Variants in PACRG observed in about 807,000 individuals in gnomAD.
The protein encoded by PACRG is parkin coregulated gene protein.
In PACRG, 29 loss-of-function variants were observed where a neutral mutation model predicts 29.7. The observed-to-expected ratio is 0.98, with a 90% CI of 0.73 to 1.33. The LOEUF (loss-of-function observed/expected upper bound fraction) is 1.33, where lower values mean the gene tolerates loss of function less well. Ranked by LOEUF, PACRG falls within the 40% of genes most tolerant of loss-of-function variation. The pLI is 0.00. For missense variants in PACRG, 279 were observed against 316.2 expected (o/e 0.88, Z 0.89); for synonymous variants, 116 against 118.7 (o/e 0.98, Z 0.15).
intron 4 of PACRG, among the ~76,000 whole-genome samples, chr6:163,153,665 A>G (rs772252477): frequency 2.0e-5 from 3 of 152,244 alleles, no homozygotes; most frequent in Admixed American, 6.5e-5. Context: ...ATGGAAGTCA[A>G]TAAAGATCAA....
chr6:162,867,606 T>C (rs143115298), intron 2 of PACRG, among the ~76,000 whole-genome samples: 1 of 152,320 alleles, frequency 6.6e-6, no homozygotes, highest in East Asian at 1.9e-4. Flanking sequence ...AAATGTGCAT[T>C]GAGATATTTT....
intron 1 of PACRG, among the ~76,000 whole-genome samples, chr6:162,760,725 C>T (rs1397911380): frequency 6.6e-6 from 1 of 151,974 alleles, no homozygotes; most frequent in African/African-American, 2.4e-5. Flanking sequence ...CTTGGGAAGG[C>T]CTTTGGCTTT....
intron 2 of PACRG, among the ~76,000 whole-genome samples, chr6:162,933,444 T>A (rs1797998772): frequency 6.6e-6 from 1 of 152,110 alleles, no homozygotes. Context: ...GGTATTGAAG[T>A]CCCCAGCTTT....
intron 4 of PACRG, among the ~76,000 whole-genome samples, chr6:163,228,966 T>C (rs1312719104): frequency 1.1e-4 from 17 of 152,222 alleles, no homozygotes; most frequent in Non-Finnish European, 2.1e-4. Flanking sequence ...GGAAGGGAAG[T>C]CTAATTCTGA....
At chr6:162,960,217 A>G (rs566324942) in intron 2 of PACRG, among the ~76,000 whole-genome samples, 18 of 152,258 alleles carry the variant, frequency 1.2e-4, no homozygotes, top group Non-Finnish European at 2.5e-4. Flanking sequence ...AAAGAACTTA[A>G]AACAGAGCTA....
Position 163,067,542 on chromosome 6 carries a change from A to G in PACRG, c.463+5221A>G, listed in dbSNP as rs116839070. On this transcript the variant is annotated intron_variant, in intron 3 of 4. Transcript: ENST00000366888. ...ATGAGGTACAAGTGAAAGAAAAAAC[A>G]CTTTCAGTAAGGCAATCTTTTTTTA... is the stretch of plus-strand genomic sequence containing the variant. 7.5e-3 allele frequency among the ~76,000 whole-genome samples: 1,142 copies of G among 152,352 alleles called. 19 individuals carry two copies. The highest frequency in any genetic ancestry group is 0.026 in the African/African-American group (1,079 of 41,588).
At chr6:163,249,802 A>C (rs548502783) in intron 4 of PACRG, among the ~76,000 whole-genome samples, 1 of 152,330 alleles carries the variant, frequency 6.6e-6, no homozygotes, top group East Asian at 1.9e-4. Context: ...TTCTCAGTGC[A>C]AACTGAAGTT....
At chr6:163,130,667 T>G (rs1816697516) in intron 4 of PACRG, among the ~76,000 whole-genome samples, 1 of 152,144 alleles carries the variant, frequency 6.6e-6, no homozygotes, top group Admixed American at 6.5e-5. Context: ...TAGCATCATC[T>G]CCCACTACTG....
At chr6:162,827,714 A>G (rs1788405862) in intron 2 of PACRG, among the ~76,000 whole-genome samples, 1 of 152,142 alleles carries the variant, frequency 6.6e-6, no homozygotes, top group South Asian at 2.1e-4. Flanking sequence ...ATTACCAACC[A>G]TGCTGCCTCC....
At chr6:163,292,031 C>T (rs996075322) in intron 4 of PACRG, among the ~76,000 whole-genome samples, 1 of 152,124 alleles carries the variant, frequency 6.6e-6, no homozygotes, top group African/African-American at 2.4e-5. Context: ...GCAACACGAG[C>T]TGAGCTAACG....
At chr6:162,837,629 A>G (rs1326003053) in intron 2 of PACRG, among the ~76,000 whole-genome samples, 3 of 152,222 alleles carry the variant, frequency 2.0e-5, no homozygotes, top group Non-Finnish European at 4.4e-5. Context: ...AAATCAAATG[A>G]CATTTTCCAA....
At chr6:162,815,874 T>A (rs552779892) in intron 2 of PACRG, among the ~76,000 whole-genome samples, 1 of 152,246 alleles carries the variant, frequency 6.6e-6, no homozygotes, top group South Asian at 2.1e-4. Flanking sequence ...AAATAATATG[T>A]CATAATTCTT....
chr6:163,277,634 C>A (rs13192253), intron 4 of PACRG, among the ~76,000 whole-genome samples: 36,274 of 145,554 alleles, frequency 0.25, 4,583 homozygotes, highest in Admixed American at 0.33. Context: ...TATATACATA[C>A]GTGTATATAT....
intron 2 of PACRG, among the ~76,000 whole-genome samples, chr6:162,908,587 ATTCC>A: frequency 6.6e-6 from 1 of 152,218 alleles, no homozygotes; most frequent in Non-Finnish European, 1.5e-5. Context: ...ATTCCGAGAC[ATTCC>A]ATGTCTCTGC....
At chr6:162,765,137 A>T (rs2128295808) in intron 1 of PACRG, among the ~76,000 whole-genome samples, 1 of 152,060 alleles carries the variant, frequency 6.6e-6, no homozygotes, top group African/African-American at 2.4e-5. Context: ...TCTATTCATA[A>T]ATCTATTATC....
At chr6:162,938,896 A>G (rs901428006) in intron 2 of PACRG, among the ~76,000 whole-genome samples, 5 of 152,014 alleles carry the variant, frequency 3.3e-5, no homozygotes, top group African/African-American at 4.8e-5. Context: ...TAGATTCTGT[A>G]TATTAGTCTT....
rs190382024 is a variant in PACRG, at chr6:162,999,728, C to T, written c.292-62422C>T. Among the ~76,000 whole-genome samples the T allele has an allele frequency of 7.2e-3, 1,096 of 152,196 alleles. 17 individuals are homozygous for T. Among genetic ancestry groups the T allele is most frequent in the African/African-American group, 0.025 (1,036 of 41,508 alleles). ...TGTTCTTCCCAGGCAAGGTCTAATCCACTATACATGACTCATTTTCTTGTG... is the reference window on the plus strand; with the variant it reads ...TGTTCTTCCCAGGCAAGGTCTAATCTACTATACATGACTCATTTTCTTGTG... On this transcript the variant is annotated intron_variant, in intron 2 of 4. Coordinates refer to ENST00000366888, the MANE Select transcript of PACRG (RefSeq NM_001080379.2).
At chr6:163,223,875 C>G (rs1781683040) in intron 4 of PACRG, among the ~76,000 whole-genome samples, 2 of 152,162 alleles carry the variant, frequency 1.3e-5, no homozygotes, top group Non-Finnish European at 2.9e-5. Flanking sequence ...AAAGTAGAAA[C>G]AGAGTGATTC....
At chr6:162,995,918 C>T (rs73609728) in intron 2 of PACRG, among the ~76,000 whole-genome samples, 10,156 of 152,190 alleles carry the variant, frequency 0.067, 867 homozygotes, top group African/African-American at 0.2. Context: ...GATATCTCTT[C>T]GTGATCCTGA....
Sources: gnomAD v4.1 joint callset for allele counts (sites outside exome capture counted in the v4.1 genomes callset) on GRCh38, gnomAD v4.1.1 for gene constraint, MANE v1.5 for transcripts, NCBI Gene and HGNC (gene_info 2026-07-23, HGNC 2026-07-21) for gene names.